Variants in ZFAT observed in about 807,000 individuals in gnomAD.
ZFAT encodes the protein zinc finger protein ZFAT.
Under a neutral mutation model 117.7 loss-of-function variants are expected in ZFAT, and 64 were observed. The ratio of observed to expected loss-of-function variants is 0.54; its 90% confidence interval spans 0.44 to 0.67. ZFAT has a LOEUF of 0.67. Among genes scored for constraint, ZFAT ranks in the 30% least tolerant of loss-of-function variants. The pLI is 0.00. For missense variants in ZFAT, 1,433 were observed against 1,584.5 expected (o/e 0.90, Z 1.62); for synonymous variants, 679 against 615.0 (o/e 1.10, Z -1.54).
chr8:134,533,541 G>A (rs1023568066), intron 11 of ZFAT, among the ~76,000 whole-genome samples: 24 of 152,178 alleles, frequency 1.6e-4, no homozygotes, highest in African/African-American at 1.2e-4. Context: ...TTCTCAGAAC[G>A]TATCCCTGCC....
Position 134,602,865 on chromosome 8 carries a change from G to T in ZFAT, c.854C>A (p.Ser285Ter). 6.2e-7 allele frequency: 1 copy of T among 1,609,094 alleles called. No homozygotes were observed. The highest frequency in any genetic ancestry group is 8.5e-7 in the Non-Finnish European group (1 of 1,178,020). ...YCNKVFKFKHSLQAHLRIHTN... is the reference protein window; with the variant it reads ...YCNKVFKFKH Reference sequence around the variant, plus strand: ...GTGGATCCTCAGGTGGGCCTGCAGCGAGTGCTTGAACTTGAAGACCTTGTT... The same window carrying T: ...GTGGATCCTCAGGTGGGCCTGCAGCTAGTGCTTGAACTTGAAGACCTTGTT... Residue 285 changes from serine to a stop codon, truncating the protein, a stop_gained, in exon 6 of 16, where the codon TCG becomes TAG. Transcript: ENST00000377838. LOFTEE classifies it high-confidence loss of function.
chr8:134,623,416 C>G (rs191747091), intron 3 of ZFAT, among the ~76,000 whole-genome samples: 1 of 152,222 alleles, frequency 6.6e-6, no homozygotes, highest in Non-Finnish European at 1.5e-5. Flanking sequence ...CTAGACTCCA[C>G]GTGGGGCGGC....
chr8:134,591,091 A>G (rs1433999717), intron 7 of ZFAT, among the ~76,000 whole-genome samples: 3 of 152,186 alleles, frequency 2.0e-5, no homozygotes, highest in Non-Finnish European at 4.4e-5. Flanking sequence ...CACACACACC[A>G]GTGCTACTCT....
intron 11 of ZFAT, among the ~76,000 whole-genome samples, chr8:134,552,110 C>T (rs766245367): frequency 7.2e-5 from 11 of 152,108 alleles, no homozygotes; most frequent in Non-Finnish European, 1.3e-4. Flanking sequence ...TTTTGTAGCA[C>T]TTAACATATT....
chr8:134,576,927 C>G (rs1320749041), intron 10 of ZFAT, among the ~76,000 whole-genome samples: 1 of 151,974 alleles, frequency 6.6e-6, no homozygotes, highest in East Asian at 1.9e-4. Flanking sequence ...GGGGAGAGAC[C>G]CAAAGGAATT....
the ZFAT span, chr8:134,767,354 T>C: frequency 6.6e-6 from 1 of 152,248 alleles, no homozygotes; most frequent in Non-Finnish European, 1.5e-5. Context: ...AGTCTTTTTT[T>C]GCAGATGCAA....
the ZFAT span, among the ~76,000 whole-genome samples, chr8:134,755,423 A>G: frequency 6.6e-6 from 1 of 151,644 alleles, no homozygotes; most frequent in Non-Finnish European, 1.5e-5. Flanking sequence ...AAAAAAAAAA[A>G]AAAAGCTTTT....
intron 2 of ZFAT, among the ~76,000 whole-genome samples, chr8:134,655,349 T>G (rs189210003): frequency 6.6e-6 from 1 of 152,272 alleles, no homozygotes; most frequent in Non-Finnish European, 1.5e-5. Context: ...CATTTCCTAT[T>G]TATAAAAGAA....
At position 134,602,115 on chromosome 8, in the gene ZFAT, G is replaced by C. The variant is rs754681495; in HGVS notation, c.1604C>G (p.Ala535Gly). The C allele has an allele frequency of 3.1e-6, 5 of 1,612,464 alleles. No homozygotes were observed. Among genetic ancestry groups the C allele is most frequent in the Middle Eastern group, 1.6e-4 (1 of 6,062 alleles). Reference protein sequence around the residue: ...LQGVNALKEEACPGDTQLEEG... With the variant: ...LQGVNALKEEGCPGDTQLEEG... ...CTCCAGCTGAGTGTCCCCAGGACAG[G>C]CCTCTTCCTTGAGTGCATTCACGCC... is the stretch of plus-strand genomic sequence containing the variant. The change falls in exon 6 of 16, where the codon GCC (alanine) becomes GGC (glycine). Residue 535 changes from alanine (A) to glycine (G), a missense_variant. Physicochemically the swap from Ala to Gly is moderately conservative, Grantham distance 60. Around this residue, in one of 5 missense-constraint regions of ZFAT, gnomAD observed 372 missense variants for 355.6 expected, o/e 1.05. Transcript: ENST00000377838.
intron 2 of ZFAT, among the ~76,000 whole-genome samples, chr8:134,656,118 G>A (rs1424325461): frequency 6.6e-6 from 1 of 152,192 alleles, no homozygotes; most frequent in Non-Finnish European, 1.5e-5. Context: ...CTGGCCAGGG[G>A]TCAGGACTCA....
At chr8:134,817,422 CACACACACACACACA>C in the ZFAT span, among the ~76,000 whole-genome samples, 1 of 117,370 alleles carries the variant, frequency 8.5e-6, no homozygotes, top group Admixed American at 8.8e-5. Context: ...CACACACACA[CACACACACACACACA>C]ACGCACCCTT....
Position 134,696,656 on chromosome 8 carries a change from C to A in ZFAT, c.19+16189G>T, listed in dbSNP as rs942251820. ...GCCCTGCCCAGGTGGGACAGGGCAT[C>A]CTGCCGCCACAGAGGCTCTGATTGG... On this transcript the variant is annotated intron_variant, in intron 1 of 15. Coordinates refer to ENST00000377838, the MANE Select transcript of ZFAT (RefSeq NM_020863.4). The A allele has an allele frequency of 2.0e-5, 19 of 965,852 alleles. No individual in the cohort carries two copies. In the African/African-American group the frequency reaches 2.5e-4, roughly 13 times the overall value. The allele number at this position is 965,852 out of a possible 1,614,324, so 59.8% of individuals were successfully genotyped here.
intron 15 of ZFAT, among the ~76,000 whole-genome samples, chr8:134,508,074 C>T (rs1819543557): frequency 6.6e-6 from 1 of 151,750 alleles, no homozygotes; most frequent in East Asian, 1.9e-4. Flanking sequence ...CATCCCCCTG[C>T]CTACTCTCCA....
the ZFAT span, chr8:134,784,530 T>A: frequency 6.6e-6 from 1 of 152,106 alleles, no homozygotes; most frequent in East Asian, 1.9e-4. Context: ...CTAGCGAACA[T>A]AAAAATTTTG....
At chr8:134,549,224 G>A (rs889223970) in intron 11 of ZFAT, among the ~76,000 whole-genome samples, 16 of 152,030 alleles carry the variant, frequency 1.1e-4, no homozygotes, top group African/African-American at 3.4e-4. Context: ...GGCGGATCAC[G>A]AGGTCAAGAG....
intron 1 of ZFAT, among the ~76,000 whole-genome samples, chr8:134,697,456 G>A (rs372667707): frequency 9.4e-5 from 14 of 149,614 alleles, no homozygotes; most frequent in East Asian, 2.1e-4. Flanking sequence ...AGCCTGGCGC[G>A]GTGGCTCACG....
intron 11 of ZFAT, among the ~76,000 whole-genome samples, chr8:134,548,399 G>A (rs116368207): frequency 0.016 from 2,496 of 152,210 alleles, 72 homozygotes; most frequent in African/African-American, 0.057. Context: ...AACCAAGCAC[G>A]GAGATGGAGT....
the ZFAT span, among the ~76,000 whole-genome samples, chr8:134,802,410 G>C: frequency 6.6e-6 from 1 of 152,194 alleles, no homozygotes; most frequent in Non-Finnish European, 1.5e-5. Flanking sequence ...CATGCATGCT[G>C]GGGTTTATAG....
chr8:134,533,089 A>C, intron 11 of ZFAT, 117 bp from the exon 12 acceptor site: 2 of 1,422,168 alleles, frequency 1.4e-6, no homozygotes, highest in East Asian at 2.5e-5. Flanking sequence ...AGGCCCCATC[A>C]CCTGTGATAT....
Sources: allele counts gnomAD v4.1 joint callset (sites outside exome capture counted in the v4.1 genomes callset), GRCh38; gene constraint gnomAD v4.1.1; regional missense constraint gnomAD v4.1.1; transcripts MANE v1.5; gene names NCBI Gene and HGNC (gene_info 2026-07-23, HGNC 2026-07-21).